The following SOX6 variants were observed in gnomAD, a reference collection of about 807,000 sequenced individuals.
SOX6 encodes SRY-box transcription factor 6, also known as transcription factor SOX-6.
SOX6 carries 11 observed loss-of-function variants against 97.8 expected under a neutral mutation model. That is an observed-to-expected ratio of 0.11 (90% CI 0.07 to 0.19). The LOEUF (loss-of-function observed/expected upper bound fraction) is 0.19. Ranked by LOEUF, SOX6 falls within the 10% of genes least tolerant of loss-of-function variation. The pLI is 1.00. For synonymous variants in SOX6, 360 were observed against 371.4 expected (o/e 0.97, Z 0.35); for missense variants, 810 against 1,039.5 (o/e 0.78, Z 3.04).
intron 3 of SOX6, among the ~76,000 whole-genome samples, chr11:16,263,705 G>A (rs1853973326): frequency 6.6e-6 from 1 of 151,666 alleles, no homozygotes; most frequent in Non-Finnish European, 1.5e-5. Context: ...GTTTTGGGGT[G>A]TTCATCAGGA....
chr11:16,004,521 G>A (rs982994659), intron 13 of SOX6, among the ~76,000 whole-genome samples: 1 of 151,752 alleles, frequency 6.6e-6, no homozygotes, highest in African/African-American at 2.4e-5. Flanking sequence ...TAGGGTTGAG[G>A]AATGAACAGT....
At chr11:16,578,048 T>G (rs61883868) in intron 4 of SOX6, among the ~76,000 whole-genome samples, 31,133 of 152,100 alleles carry the variant, frequency 0.2, 3,469 homozygotes, top group Admixed American at 0.32. Context: ...TTTATAGTTT[T>G]ATCTCTCATA....
At chr11:16,589,160 T>C (rs1848124900) in intron 4 of SOX6, among the ~76,000 whole-genome samples, 2 of 152,228 alleles carry the variant, frequency 1.3e-5, no homozygotes, top group South Asian at 4.1e-4. Context: ...CAGAAGAGTG[T>C]CATCTGGAGA....
At chr11:16,351,243 C>A (rs1369405574) in intron 1 of SOX6, among the ~76,000 whole-genome samples, 1 of 152,012 alleles carries the variant, frequency 6.6e-6, no homozygotes, top group Non-Finnish European at 1.5e-5. Context: ...CTGTCAGAAT[C>A]ATCAAGGTTC....
intron 3 of SOX6, among the ~76,000 whole-genome samples, chr11:16,635,273 T>C (rs1022959401): frequency 1.3e-5 from 2 of 152,186 alleles, no homozygotes; most frequent in Non-Finnish European, 2.9e-5. Flanking sequence ...TAGAGACTTG[T>C]TGAATGGCTT....
chr11:16,328,103 T>A (rs904786436), intron 2 of SOX6, among the ~76,000 whole-genome samples: 3 of 152,138 alleles, frequency 2.0e-5, no homozygotes, highest in African/African-American at 7.2e-5. Flanking sequence ...TATTGAGATA[T>A]CCAATCATAG....
intron 2 of SOX6, among the ~76,000 whole-genome samples, chr11:16,333,686 C>G (rs1856378311): frequency 6.6e-6 from 1 of 152,032 alleles, no homozygotes; most frequent in African/African-American, 2.4e-5. Flanking sequence ...ATCAGACTCA[C>G]TAGACTAGAT....
At chr11:16,401,971 A>T (rs1479701540) in intron 1 of SOX6, among the ~76,000 whole-genome samples, 2 of 151,560 alleles carry the variant, frequency 1.3e-5, no homozygotes, top group Non-Finnish European at 3.0e-5. Flanking sequence ...TATACTCTCT[A>T]GTTCTTAAAG....
At chr11:16,500,091 A>C (rs571673055) in intron 4 of SOX6, among the ~76,000 whole-genome samples, 1 of 152,326 alleles carries the variant, frequency 6.6e-6, no homozygotes, top group African/African-American at 2.4e-5. Context: ...ATCCAGCAGC[A>C]CATCAAAAAG....
intron 4 of SOX6, among the ~76,000 whole-genome samples, chr11:16,514,641 A>G (rs1860936463): frequency 6.6e-6 from 1 of 150,736 alleles, no homozygotes; most frequent in African/African-American, 2.4e-5. Context: ...GGTGCGCTGC[A>G]CCCACTAACT....
At position 16,633,332 on chromosome 11, in the gene SOX6, T is replaced by G. The variant is rs189239506; in HGVS notation, n.430-21072A>C. 2.2e-4 allele frequency among the ~76,000 whole-genome samples: 34 copies of G among 152,358 alleles called. 1 individual carries two copies. Among genetic ancestry groups the G allele is most frequent in the Admixed American group, 1.3e-3 (20 of 15,306 alleles). ...TGCTATGCTACCTGCAAAATTAAAT[T>G]AAATTTCTGGATGTATGTTCCTCTC... On this transcript the variant is annotated intron_variant and non_coding_transcript_variant, in intron 3 of 5. Transcript: ENST00000524520.
intron 12 of SOX6, among the ~76,000 whole-genome samples, chr11:16,042,508 T>C (rs936882550): frequency 2.0e-5 from 3 of 152,182 alleles, no homozygotes; most frequent in East Asian, 1.9e-4. Flanking sequence ...TAAGATATCA[T>C]AGGAAATTAA....
At chr11:16,392,988 T>C (rs192650568) in intron 1 of SOX6, among the ~76,000 whole-genome samples, 8 of 152,212 alleles carry the variant, frequency 5.3e-5, no homozygotes, top group Admixed American at 1.3e-4. Context: ...TCCCTAATTC[T>C]TTCTAATGAC....
At chr11:16,500,801 A>C (rs1376612270) in intron 4 of SOX6, among the ~76,000 whole-genome samples, 3 of 152,190 alleles carry the variant, frequency 2.0e-5, no homozygotes, top group Non-Finnish European at 4.4e-5. Flanking sequence ...TGCTCAATGA[A>C]ATAAAAGAGG....
chr11:16,247,194 C>T (rs1029565569), intron 3 of SOX6, among the ~76,000 whole-genome samples: 1 of 152,044 alleles, frequency 6.6e-6, no homozygotes, highest in Non-Finnish European at 1.5e-5. Flanking sequence ...TTTTTCTTAA[C>T]GTAATATCCT....
At chr11:16,325,829 A>G (rs771376360) in intron 2 of SOX6, among the ~76,000 whole-genome samples, 5 of 152,212 alleles carry the variant, frequency 3.3e-5, no homozygotes, top group Non-Finnish European at 7.3e-5. Flanking sequence ...CAGAGCCCTC[A>G]TGAATGGTAT....
At chr11:16,236,896 T>A (rs1853041149) in intron 3 of SOX6, among the ~76,000 whole-genome samples, 1 of 152,006 alleles carries the variant, frequency 6.6e-6, no homozygotes, top group South Asian at 2.1e-4. Flanking sequence ...GGCTAATAAC[T>A]TCAAAGCGTT....
At position 15,969,135 on chromosome 11, in the gene SOX6, A is replaced by G. The variant is rs1052364131; in HGVS notation, c.*3674T>C. 2 of 148,182 alleles carry G rather than the reference A, an allele frequency of 1.3e-5. No homozygotes were observed. The highest frequency in any genetic ancestry group is 5.0e-5 in the African/African-American group (2 of 39,770). The allele number at this position is 148,182 out of a possible 1,614,324, so 9.2% of individuals were successfully genotyped here. A position where few individuals can be genotyped will look rare whatever the true frequency, so the allele number is the denominator to read the frequency against. ...GGCAGTGTCCCAATTCTAAGTGACA[A>G]GGAGAACCCTGACCCTGTAAGTTCT... On this transcript the variant is annotated 3_prime_UTR_variant, in exon 16 of 16. Coordinates refer to ENST00000683767, the MANE Select transcript of SOX6 (RefSeq NM_001367873.1).
chr11:16,069,797 T>C lies in SOX6; in HGVS notation c.1102-13896A>G, dbSNP rs990775399. On this transcript the variant is annotated intron_variant, in intron 9 of 15. Transcript: ENST00000683767. ...TGGAACAAGCATTGACTGTAACCCA[T>C]GAGAACCAGGACCCATTTGATTCAT... Among the ~76,000 whole-genome samples, 18 of 152,124 alleles carry C rather than the reference T, an allele frequency of 1.2e-4. 1 individual carries two copies.
Sources: allele counts gnomAD v4.1 joint callset (sites outside exome capture counted in the v4.1 genomes callset), GRCh38; gene constraint gnomAD v4.1.1; transcripts MANE v1.5; gene names NCBI Gene and HGNC (gene_info 2026-07-23, HGNC 2026-07-21).